Variants in HYDIN observed in about 807,000 individuals in gnomAD.
HYDIN encodes the protein HYDIN axonemal central pair apparatus protein, also known as axonemal central pair apparatus protein HYDIN.
A neutral mutation model predicts 403.9 loss-of-function variants in HYDIN; 132 were observed. That is an observed-to-expected ratio of 0.33 (90% CI 0.28 to 0.38). The LOEUF (loss-of-function observed/expected upper bound fraction) is 0.38, where lower values mean the gene tolerates loss of function less well. Ranked by LOEUF, HYDIN falls within the 10% of genes least tolerant of loss-of-function variation. The pLI is 1.00. For missense variants in HYDIN, 2,827 were observed against 5,009.5 expected (o/e 0.56, Z 13.15); for synonymous variants, 1,202 against 1,891.7 (o/e 0.64, Z 9.46).
chr16:71,191,729 C>T (rs778907440), intron 1 of HYDIN, among the ~76,000 whole-genome samples: 3 of 152,154 alleles, frequency 2.0e-5, no homozygotes, highest in Non-Finnish European at 2.9e-5. Context: ...GTTTATCCCA[C>T]TCAGATCTCT....
rs780801868 is a variant in HYDIN at position 70,868,725 on chromosome 16, T to C, written c.11155A>G (p.Ile3719Val). 3 of 1,614,072 alleles carry C rather than the reference T, an allele frequency of 1.9e-6. No individual in the cohort carries two copies. The highest frequency in any genetic ancestry group is 1.1e-5 in the South Asian group (1 of 91,032). ...IVVTMKSDVP[I>V]NLKNMRIRCK... ...CTGATCCGCATATTCTTTAGGTTGA[T>C]GGGTACATCTGACTTCATGGTCACC... Residue 3719 changes from isoleucine to valine, a missense_variant, in exon 66 of 86, where the codon ATC becomes GTC. Transcript: ENST00000393567.
intron 45 of HYDIN, among the ~76,000 whole-genome samples, chr16:70,930,567 G>A (rs529857385): frequency 6.6e-6 from 1 of 152,222 alleles, no homozygotes; most frequent in African/African-American, 2.4e-5. Flanking sequence ...CCTCCAGAGA[G>A]TGAAAGGGAA....
intron 6 of HYDIN, among the ~76,000 whole-genome samples, chr16:71,158,784 C>T (rs2085888038): frequency 6.6e-6 from 1 of 151,032 alleles, no homozygotes; most frequent in Non-Finnish European, 1.5e-5. Flanking sequence ...TGGGCTCAAC[C>T]AATCCTCTTA....
chr16:71,020,488 A>G (rs1361195317), intron 21 of HYDIN, among the ~76,000 whole-genome samples, 171 bp from the exon 22 acceptor site: 1 of 152,040 alleles, frequency 6.6e-6, no homozygotes, highest in African/African-American at 2.4e-5. Flanking sequence ...GTATACATAC[A>G]TTTTTCTCCC....
rs780507110 is a variant in HYDIN, at chr16:70,809,814, T to C, written c.14852A>G (p.Tyr4951Cys). 1.9e-6 allele frequency: 3 copies of C among 1,614,160 alleles called. No individual in the cohort carries two copies. Among genetic ancestry groups the C allele is most frequent in the Non-Finnish European group, 2.5e-6 (3 of 1,179,994 alleles). ...GTAGTATTCTGTCCTCTGCCGTGTGTAATTGATGAACTTCACAAGGATGAT... is the reference window on the plus strand; with the variant it reads ...GTAGTATTCTGTCCTCTGCCGTGTGCAATTGATGAACTTCACAAGGATGAT... ...SQIILVKFIN[Y>C]TRQRTEYYCR... The change falls in exon 85 of 86, where the codon TAC becomes TGC. Residue 4951 changes from tyrosine to cysteine, a missense_variant. Transcript: ENST00000393567.
chr16:71,028,371 C>T (rs1351639506), intron 19 of HYDIN, among the ~76,000 whole-genome samples: 2 of 151,946 alleles, frequency 1.3e-5, no homozygotes, highest in Non-Finnish European at 2.9e-5. Context: ...CAGAACACCA[C>T]CGGGATTGGT....
intron 18 of HYDIN, among the ~76,000 whole-genome samples, chr16:71,042,011 A>G (rs953035101): frequency 6.6e-6 from 1 of 151,434 alleles, no homozygotes; most frequent in African/African-American, 2.4e-5. Context: ...CTGCCAGTGC[A>G]TGGTCACTAG....
chr16:71,102,516 C>T (rs909582818), intron 10 of HYDIN, among the ~76,000 whole-genome samples: 9 of 151,274 alleles, frequency 5.9e-5, no homozygotes, highest in African/African-American at 2.2e-4. Flanking sequence ...TACCTAAATT[C>T]ATTATCTAAA....
intron 1 of HYDIN, among the ~76,000 whole-genome samples, chr16:71,219,829 A>G (rs1210726040): frequency 3.3e-5 from 5 of 152,208 alleles, no homozygotes; most frequent in Non-Finnish European, 7.3e-5. Flanking sequence ...GACATTTTGT[A>G]TGAAGAGCAG....
At chr16:71,119,824 A>G (rs1162238165) in intron 9 of HYDIN, among the ~76,000 whole-genome samples, 2 of 150,204 alleles carry the variant, frequency 1.3e-5, no homozygotes, top group Non-Finnish European at 3.0e-5. Flanking sequence ...CAAACCTCAG[A>G]AATAGGTAAC....
At chr16:71,011,366 G>A (rs769626501) in intron 23 of HYDIN, among the ~76,000 whole-genome samples, 1 of 152,158 alleles carries the variant, frequency 6.6e-6, no homozygotes, top group African/African-American at 2.4e-5. Context: ...CATCTGATTC[G>A]GCAGCCCAGG....
intron 10 of HYDIN, chr16:71,114,030 T>C (rs936979517): frequency 8.0e-5 from 12 of 150,576 alleles, no homozygotes; most frequent in African/African-American, 2.9e-4. Context: ...GGATGCTGTG[T>C]TCTCACTGCA....
intron 13 of HYDIN, chr16:71,075,925 A>C (rs1568116689): frequency 2.9e-6 from 1 of 345,694 alleles, no homozygotes; most frequent in Non-Finnish European, 5.8e-6. Context: ...CTAACTCAGG[A>C]TAAAAATGGT....
intron 28 of HYDIN, among the ~76,000 whole-genome samples, chr16:70,981,891 G>A (rs1224041849): frequency 2.6e-5 from 4 of 152,058 alleles, no homozygotes; most frequent in Admixed American, 1.3e-4. Flanking sequence ...CACTTTGGGA[G>A]GCTGAGGTGG....
At chr16:70,940,677 A>T (rs1381508486) in intron 43 of HYDIN, among the ~76,000 whole-genome samples, 1 of 152,260 alleles carries the variant, frequency 6.6e-6, no homozygotes, top group Non-Finnish European at 1.5e-5. Flanking sequence ...ATGACTGCTG[A>T]GGGATGCCTG....
chr16:70,884,726 AAAAC>A (rs1280630545), intron 58 of HYDIN, among the ~76,000 whole-genome samples: 37 of 151,230 alleles, frequency 2.4e-4, no homozygotes, highest in Non-Finnish European at 1.2e-4. Flanking sequence ...AAAACAAAAC[AAAAC>A]AAAACAGGAT....
At chr16:71,152,545 T>C (rs2085579469) in intron 7 of HYDIN, 114 bp downstream of exon 7, 7 of 938,880 alleles carry the variant, frequency 7.5e-6, no homozygotes, top group African/African-American at 3.3e-5. Context: ...ACAAAATCCA[T>C]TGTATCATTC....
At chr16:70,997,643 CCAGGTCCAGGTT>C (rs1386117173) in intron 23 of HYDIN, among the ~76,000 whole-genome samples, 3 of 150,932 alleles carry the variant, frequency 2.0e-5, no homozygotes, top group Non-Finnish European at 4.4e-5. Flanking sequence ...TCCCTGACCC[CCAGGTCCAGGTT>C]CAGGGGTCAT....
chr16:70,877,196 G>A (rs1250917605), intron 62 of HYDIN, among the ~76,000 whole-genome samples: 1 of 147,646 alleles, frequency 6.8e-6, no homozygotes, highest in Non-Finnish European at 1.5e-5. Flanking sequence ...TGAGACTAGA[G>A]ACACAGAAGA....
Sources: gnomAD v4.1 joint callset for allele counts (sites outside exome capture counted in the v4.1 genomes callset) on GRCh38, gnomAD v4.1.1 for gene constraint, MANE v1.5 for transcripts, NCBI Gene and HGNC (gene_info 2026-07-23, HGNC 2026-07-21) for gene names.